ATRNL1: variants seen among roughly 807,000 people sequenced by gnomAD.
The protein encoded by ATRNL1 is attractin-like protein 1.
In ATRNL1, 95 loss-of-function variants were observed where a neutral mutation model predicts 182.7. The ratio of observed to expected loss-of-function variants is 0.52; its 90% CI spans 0.44 to 0.62. ATRNL1 has a LOEUF of 0.62. ATRNL1 is among the 20% of genes least tolerant of loss of function. The probability of loss-of-function intolerance (pLI) is 0.00; values close to 1 mark genes in which losing one functional copy is unlikely to be tolerated. For synonymous variants in ATRNL1, 576 were observed against 568.3 expected (o/e 1.01, Z -0.19); for missense variants, 1,471 against 1,679.5 (o/e 0.88, Z 2.17).
At chr10:115,336,227 A>T (rs1415001168) in intron 19 of ATRNL1, among the ~76,000 whole-genome samples, 5 of 152,172 alleles carry the variant, frequency 3.3e-5, no homozygotes, top group Non-Finnish European at 5.9e-5. Context: ...TTAACTGTTA[A>T]TGCAGGAGTT....
intron 21 of ATRNL1, among the ~76,000 whole-genome samples, chr10:115,433,663 A>G (rs1380219184): frequency 2.6e-5 from 4 of 152,112 alleles, no homozygotes; most frequent in Non-Finnish European, 4.4e-5. Context: ...TTTCAGAACT[A>G]TTTACTCCTT....
intron 27 of ATRNL1, among the ~76,000 whole-genome samples, chr10:115,773,462 C>T (rs1949043823): frequency 6.6e-6 from 1 of 152,124 alleles, no homozygotes; most frequent in African/African-American, 2.4e-5. Context: ...CTAACCAACA[C>T]CTCATTTTTG....
At chr10:115,865,480 T>C (rs1951419097) in intron 28 of ATRNL1, among the ~76,000 whole-genome samples, 3 of 152,206 alleles carry the variant, frequency 2.0e-5, no homozygotes, top group African/African-American at 7.2e-5. Flanking sequence ...TTTATTTCAT[T>C]ATATGGTTCC....
At chr10:115,781,919 A>G (rs1394582583) in intron 27 of ATRNL1, among the ~76,000 whole-genome samples, 1 of 151,982 alleles carries the variant, frequency 6.6e-6, no homozygotes, top group Non-Finnish European at 1.5e-5. Flanking sequence ...TATAGTAGCA[A>G]CTCTTACCCA....
At chr10:115,636,420 A>G (rs1858875731) in intron 26 of ATRNL1, among the ~76,000 whole-genome samples, 1 of 152,180 alleles carries the variant, frequency 6.6e-6, no homozygotes, top group Non-Finnish European at 1.5e-5. Context: ...GAGGCACCAA[A>G]TGTACTGTAA....
intron 5 of ATRNL1, among the ~76,000 whole-genome samples, chr10:115,140,629 A>G (rs1296260173): frequency 1.3e-5 from 2 of 152,250 alleles, no homozygotes; most frequent in East Asian, 3.9e-4. Context: ...TTCCTTTTCT[A>G]TTCCAGAATG....
intron 27 of ATRNL1, among the ~76,000 whole-genome samples, chr10:115,793,642 G>A (rs1434148300): frequency 2.6e-5 from 4 of 152,098 alleles, no homozygotes; most frequent in African/African-American, 9.7e-5. Flanking sequence ...CAGTCGAATA[G>A]CTGTAATACC....
intron 26 of ATRNL1, among the ~76,000 whole-genome samples, chr10:115,636,170 G>A (rs936548873): frequency 3.3e-5 from 5 of 152,166 alleles, no homozygotes; most frequent in East Asian, 1.9e-4. Flanking sequence ...ATTGTGTTCC[G>A]TGCAGGTAGG....
At chr10:115,316,319 T>C (rs374598583) in intron 18 of ATRNL1, among the ~76,000 whole-genome samples, 4 of 152,212 alleles carry the variant, frequency 2.6e-5, no homozygotes, top group African/African-American at 9.6e-5. Context: ...CAGTATTCCA[T>C]GGTGTATACG....
At chr10:115,357,966 T>G (rs1400675724) in intron 19 of ATRNL1, among the ~76,000 whole-genome samples, 2 of 151,620 alleles carry the variant, frequency 1.3e-5, no homozygotes, top group African/African-American at 4.8e-5. Context: ...ATCTTCTTAT[T>G]CCATCTTTTC....
intron 26 of ATRNL1, among the ~76,000 whole-genome samples, chr10:115,562,873 T>G (rs1211736505): frequency 6.6e-6 from 1 of 152,216 alleles, no homozygotes; most frequent in Non-Finnish European, 1.5e-5. Context: ...GAGAATGGGC[T>G]AATACATTTC....
chr10:115,497,751 T>C (rs1849622740), intron 24 of ATRNL1, among the ~76,000 whole-genome samples: 2 of 151,834 alleles, frequency 1.3e-5, no homozygotes, highest in Admixed American at 6.6e-5. Context: ...TCTGACTCCC[T>C]GGCTCAAGCA....
At chr10:115,634,338 G>A (rs2769421) in intron 26 of ATRNL1, among the ~76,000 whole-genome samples, 75,400 of 151,856 alleles carry the variant, frequency 0.5, 19,602 homozygotes, top group East Asian at 0.84. Flanking sequence ...AATTCAATCA[G>A]CCATATTAAG....
chr10:115,373,236 ATTTG>A (rs1430453447), intron 19 of ATRNL1, among the ~76,000 whole-genome samples: 1 of 152,044 alleles, frequency 6.6e-6, no homozygotes, highest in East Asian at 1.9e-4. Flanking sequence ...ACATTCATGA[ATTTG>A]TTTGTTATTT....
chr10:115,095,663 TGAG>T (rs2143353750), intron 1 of ATRNL1, among the ~76,000 whole-genome samples: 1 of 152,264 alleles, frequency 6.6e-6, no homozygotes, highest in Admixed American at 6.5e-5. Flanking sequence ...TGTTTCAAGA[TGAG>T]GAAAGAGATC....
intron 19 of ATRNL1, among the ~76,000 whole-genome samples, chr10:115,353,707 T>C (rs1022311975): frequency 4.6e-5 from 7 of 152,152 alleles, no homozygotes; most frequent in African/African-American, 1.7e-4. Context: ...ATTCCTTGCT[T>C]TTTATTTTTT....
At chr10:115,929,542 G>A (rs1214103517) in intron 28 of ATRNL1, among the ~76,000 whole-genome samples, 26 of 152,188 alleles carry the variant, frequency 1.7e-4, no homozygotes, top group African/African-American at 5.8e-4. Flanking sequence ...GGAACCCAAG[G>A]CTGGAGTAGG....
chr10:115,468,497 A>C (rs1047749971), intron 23 of ATRNL1, among the ~76,000 whole-genome samples: 1 of 150,826 alleles, frequency 6.6e-6, no homozygotes, highest in African/African-American at 2.4e-5. Context: ...TATTTTTACT[A>C]TTGATTAAGG....
chr10:115,132,085 C>G (rs1199092150), intron 5 of ATRNL1, among the ~76,000 whole-genome samples: 1 of 150,998 alleles, frequency 6.6e-6, no homozygotes, highest in Admixed American at 6.6e-5. Context: ...CCCCCCTCCC[C>G]ACACCCCACA....
Sources: gnomAD v4.1 joint callset for allele counts (sites outside exome capture counted in the v4.1 genomes callset) on GRCh38, gnomAD v4.1.1 for gene constraint, MANE v1.5 for transcripts, NCBI Gene and HGNC (gene_info 2026-07-23, HGNC 2026-07-21) for gene names.